LINGO2: variants seen among roughly 807,000 people sequenced by gnomAD.
LINGO2 encodes the protein leucine rich repeat and Ig domain containing 2, also known as leucine-rich repeat and immunoglobulin-like domain-containing nogo receptor-interacting protein 2.
In LINGO2, 14 loss-of-function variants were observed where a neutral mutation model predicts 30.6. The observed-to-expected ratio is 0.46, with a 90% CI of 0.30 to 0.72. LINGO2 has a LOEUF of 0.72. LINGO2 is among the 30% of genes least tolerant of loss of function. The pLI is 0.07. For synonymous variants in LINGO2, 317 were observed against 288.5 expected (o/e 1.10, Z -1.00); for missense variants, 729 against 751.7 (o/e 0.97, Z 0.35).
chr9:28,564,376 A>G (rs1823257491), intron 1 of LINGO2, among the ~76,000 whole-genome samples: 1 of 152,066 alleles, frequency 6.6e-6, no homozygotes, highest in Admixed American at 6.5e-5. Context: ...AAATAAACCA[A>G]TTGTGCTTTT....
the LINGO2 span, among the ~76,000 whole-genome samples, chr9:28,830,049 T>C: frequency 2.7e-3 from 406 of 152,318 alleles, 1 homozygote; most frequent in Non-Finnish European, 4.9e-3. Flanking sequence ...TCAGGACTAG[T>C]CTGTAAAATC....
intron 4 of LINGO2, among the ~76,000 whole-genome samples, chr9:28,274,959 G>C (rs1356331729): frequency 6.6e-6 from 1 of 152,174 alleles, no homozygotes; most frequent in East Asian, 1.9e-4. Context: ...TCATTCAGCA[G>C]TAGAGTAAGC....
the LINGO2 span, among the ~76,000 whole-genome samples, chr9:28,787,507 C>T: frequency 1.3e-5 from 2 of 152,032 alleles, no homozygotes; most frequent in African/African-American, 2.4e-5. Context: ...AAAAGGAAAA[C>T]ATTGCTTGAC....
chr9:29,144,425 G>T, the LINGO2 span, among the ~76,000 whole-genome samples: 2 of 151,364 alleles, frequency 1.3e-5, no homozygotes, highest in Non-Finnish European at 2.9e-5. Context: ...GTAATTACTT[G>T]CAAACAGAAC....
intron 3 of LINGO2, among the ~76,000 whole-genome samples, chr9:28,338,035 C>T (rs1175634208): frequency 6.6e-6 from 1 of 152,144 alleles, no homozygotes. Flanking sequence ...ATGTACCATG[C>T]ACCTGGAAAA....
At chr9:28,340,634 G>T (rs1358717927) in intron 3 of LINGO2, among the ~76,000 whole-genome samples, 1 of 151,934 alleles carries the variant, frequency 6.6e-6, no homozygotes, top group Non-Finnish European at 1.5e-5. Context: ...CCCCTTTGTT[G>T]GTTTATTCAA....
the LINGO2 span, among the ~76,000 whole-genome samples, chr9:28,822,486 C>T: frequency 6.6e-6 from 1 of 152,000 alleles, no homozygotes; most frequent in African/African-American, 2.4e-5. Context: ...GAGGGTGTTG[C>T]CAAAGGAGAT....
intron 1 of LINGO2, among the ~76,000 whole-genome samples, chr9:28,602,637 A>G (rs1227902482): frequency 6.6e-6 from 1 of 152,106 alleles, no homozygotes; most frequent in Non-Finnish European, 1.5e-5. Context: ...ATACTTATAA[A>G]TGCTTTAGTT....
chr9:29,168,279 T>C, the LINGO2 span, among the ~76,000 whole-genome samples: 2 of 152,184 alleles, frequency 1.3e-5, no homozygotes, highest in Non-Finnish European at 2.9e-5. Context: ...AAAACCTCTG[T>C]AAATTTAAAG....
chr9:29,015,924 G>A, the LINGO2 span, among the ~76,000 whole-genome samples: 6 of 151,990 alleles, frequency 3.9e-5, no homozygotes, highest in Non-Finnish European at 5.9e-5. Flanking sequence ...CCTTCATCAC[G>A]TTCTCAAGCA....
the LINGO2 span, among the ~76,000 whole-genome samples, chr9:28,732,096 G>T: frequency 6.6e-6 from 1 of 152,072 alleles, no homozygotes; most frequent in Non-Finnish European, 1.5e-5. Context: ...GGAGGAGCTA[G>T]AACAACTATT....
At chr9:29,168,658 T>A in the LINGO2 span, among the ~76,000 whole-genome samples, 1 of 152,168 alleles carries the variant, frequency 6.6e-6, no homozygotes, top group African/African-American at 2.4e-5. Context: ...CTGGCACTTG[T>A]GACTTAGGGA....
At chr9:28,234,963 A>T (rs552453157) in intron 4 of LINGO2, among the ~76,000 whole-genome samples, 1 of 152,186 alleles carries the variant, frequency 6.6e-6, no homozygotes. Flanking sequence ...ACATAAGGTG[A>T]ATTGCTAAGA....
chr9:28,186,366 G>A (rs901864716), intron 4 of LINGO2, among the ~76,000 whole-genome samples: 1 of 152,150 alleles, frequency 6.6e-6, no homozygotes, highest in East Asian at 1.9e-4. Flanking sequence ...ATTATAAATG[G>A]GAAATGTGCC....
At chr9:28,330,063 C>A (rs1587477887) in intron 3 of LINGO2, among the ~76,000 whole-genome samples, 1 of 152,238 alleles carries the variant, frequency 6.6e-6, no homozygotes, top group Non-Finnish European at 1.5e-5. Flanking sequence ...GTAATCAGGT[C>A]ATGAGAATGG....
intron 4 of LINGO2, among the ~76,000 whole-genome samples, chr9:28,204,868 A>G (rs1820357646): frequency 6.6e-6 from 1 of 152,140 alleles, no homozygotes; most frequent in Non-Finnish European, 1.5e-5. Flanking sequence ...GGTTTATTTT[A>G]ATAAAGGGGA....
intron 3 of LINGO2, among the ~76,000 whole-genome samples, chr9:28,355,728 G>A (rs1172527828): frequency 1.3e-5 from 2 of 152,118 alleles, no homozygotes; most frequent in Non-Finnish European, 2.9e-5. Flanking sequence ...TAGGCTAAGA[G>A]AGATTGCTTT....
At chr9:28,012,817 C>A (rs1354964702) in intron 4 of LINGO2, among the ~76,000 whole-genome samples, 1 of 152,012 alleles carries the variant, frequency 6.6e-6, no homozygotes, top group Non-Finnish European at 1.5e-5. Flanking sequence ...ATGATATCTC[C>A]ATTCAAAAAC....
At chr9:28,131,817 G>T (rs1037166110) in intron 4 of LINGO2, among the ~76,000 whole-genome samples, 1 of 152,130 alleles carries the variant, frequency 6.6e-6, no homozygotes, top group Non-Finnish European at 1.5e-5. Flanking sequence ...CACCTCTTAG[G>T]TGATTTCAGG....
Sources: allele counts gnomAD v4.1 joint callset (sites outside exome capture counted in the v4.1 genomes callset), GRCh38; gene constraint gnomAD v4.1.1; transcripts MANE v1.5; gene names NCBI Gene and HGNC (gene_info 2026-07-23, HGNC 2026-07-21).